BEND3: variants seen among roughly 807,000 people sequenced by gnomAD.
BEND3 encodes BEN domain-containing protein 3.
BEND3 carries 13 observed loss-of-function variants against 60.1 expected under a neutral mutation model. The observed-to-expected ratio is 0.22, with a 90% CI of 0.14 to 0.34. The LOEUF (loss-of-function observed/expected upper bound fraction) is 0.34. Ranked by LOEUF, BEND3 falls within the 10% of genes least tolerant of loss-of-function variation. The pLI, the probability that BEND3 is intolerant of heterozygous loss-of-function variation, is 1.00. For missense variants in BEND3, 896 were observed against 1,138.1 expected (o/e 0.79, Z 3.06); for synonymous variants, 497 against 491.5 (o/e 1.01, Z -0.15).
intron 3 of BEND3, among the ~76,000 whole-genome samples, chr6:107,097,239 C>T (rs942625822): frequency 5.9e-5 from 9 of 151,516 alleles, no homozygotes; most frequent in Non-Finnish European, 1.3e-4. Context: ...TGGTGGCACA[C>T]GCTTATAATC....
intron 1 of BEND3, among the ~76,000 whole-genome samples, chr6:107,105,017 G>A (rs996765502): frequency 4.6e-5 from 7 of 152,042 alleles, no homozygotes; most frequent in South Asian, 2.1e-4. Context: ...CAGATGTGGC[G>A]GGGCTGACTG....
chr6:107,102,488 G>A (rs1467897011), intron 1 of BEND3, among the ~76,000 whole-genome samples: 2 of 152,180 alleles, frequency 1.3e-5, no homozygotes, highest in Non-Finnish European at 2.9e-5. Flanking sequence ...ACCCCAGAGG[G>A]CTCATGCAGC....
At chr6:107,099,358 TA>T in intron 1 of BEND3, 62 bp from the exon 2 acceptor site, 1 of 1,475,788 alleles carries the variant, frequency 6.8e-7, no homozygotes, top group South Asian at 1.2e-5. Context: ...TAATTTTCTC[TA>T]CCCACAGAAA....
intron 3 of BEND3, among the ~76,000 whole-genome samples, chr6:107,097,349 A>C (rs1554236091): frequency 6.6e-6 from 1 of 152,072 alleles, no homozygotes; most frequent in Non-Finnish European, 1.5e-5. Flanking sequence ...CCTGGGCAAC[A>C]AGAGTGAAAC....
chr6:107,079,512 C>G (rs1775179208), intron 3 of BEND3, among the ~76,000 whole-genome samples: 1 of 152,208 alleles, frequency 6.6e-6, no homozygotes, highest in Non-Finnish European at 1.5e-5. Flanking sequence ...GAGCTGTAAA[C>G]ATCCACCCCT....
At chr6:107,085,160 A>C (rs1554234028) in intron 3 of BEND3, among the ~76,000 whole-genome samples, 1 of 152,128 alleles carries the variant, frequency 6.6e-6, no homozygotes, top group Non-Finnish European at 1.5e-5. Context: ...CTGCGGCTTC[A>C]CTCCTGAAGT....
chr6:107,075,520 T>C (rs1161322391), intron 3 of BEND3, among the ~76,000 whole-genome samples: 1 of 152,230 alleles, frequency 6.6e-6, no homozygotes, highest in Non-Finnish European at 1.5e-5. Context: ...TTATTCACCA[T>C]TTAGTTCTAT....
intron 3 of BEND3, among the ~76,000 whole-genome samples, chr6:107,071,875 C>T (rs1262148517): frequency 6.6e-6 from 1 of 152,250 alleles, no homozygotes; most frequent in South Asian, 2.1e-4. Flanking sequence ...AGGGAGAATT[C>T]GATGGGACAC....
rs921587923 is a variant in BEND3, at chr6:107,099,668, G to A, written c.-11-372C>T. 3.9e-5 allele frequency among the ~76,000 whole-genome samples: 6 copies of A among 152,150 alleles called. No homozygotes were observed. In the East Asian group the frequency reaches 1.2e-3, roughly 29 times the overall value. On this transcript the variant is annotated intron_variant, in intron 1 of 3. Transcript: ENST00000369042. ...ATTCCAGCCACAAAACAAATAGGCT[G>A]AAGGATGGGGGCCATGGATCCTGAA... is the stretch of plus-strand genomic sequence containing the variant.
intron 1 of BEND3, among the ~76,000 whole-genome samples, chr6:107,109,602 G>A (rs782402693): frequency 6.6e-6 from 1 of 151,646 alleles, no homozygotes; most frequent in Non-Finnish European, 1.5e-5. Context: ...TTGCCGGCAC[G>A]GTCGCTCACG....
chr6:107,100,368 A>T (rs2115029248), intron 1 of BEND3, among the ~76,000 whole-genome samples: 1 of 152,168 alleles, frequency 6.6e-6, no homozygotes, highest in South Asian at 2.1e-4. Context: ...TCTGCCTCCA[A>T]GTGATTCTCC....
At chr6:107,114,792 G>T (rs1383034742) in intron 1 of BEND3, among the ~76,000 whole-genome samples, 54 of 147,192 alleles carry the variant, frequency 3.7e-4, no homozygotes, top group African/African-American at 1.3e-3. Flanking sequence ...CCCCCGCGCG[G>T]CGCGCGTGCT....
intron 1 of BEND3, among the ~76,000 whole-genome samples, chr6:107,104,462 G>T (rs1196092841): frequency 6.6e-6 from 1 of 151,936 alleles, no homozygotes; most frequent in Non-Finnish European, 1.5e-5. Flanking sequence ...ATCCTCAGGG[G>T]GTTGGTTCCA....
At chr6:107,085,464 T>C (rs1467250195) in intron 3 of BEND3, among the ~76,000 whole-genome samples, 2 of 152,172 alleles carry the variant, frequency 1.3e-5, no homozygotes, top group African/African-American at 4.8e-5. Flanking sequence ...TCTTTTCTTT[T>C]GTTTTTTCTT....
At chr6:107,103,180 G>A (rs1338601236) in intron 1 of BEND3, among the ~76,000 whole-genome samples, 1 of 152,200 alleles carries the variant, frequency 6.6e-6, no homozygotes, top group Non-Finnish European at 1.5e-5. Flanking sequence ...AGAGAGATGT[G>A]TAGGCCACTC....
At position 107,105,154 on chromosome 6, in the gene BEND3, C is replaced by CGAGGTCAA. The variant is rs530793831; in HGVS notation, c.-11-5866_-11-5859dup. On this transcript the variant is annotated intron_variant, in intron 1 of 3. Transcript: ENST00000369042. Reference sequence around the variant, plus strand: ...TTGGGAGGCCAAGCCAGGTGGATCACGAGGTCAAGAGATGGAGCCCATCCT... The same window carrying CGAGGTCAA: ...TTGGGAGGCCAAGCCAGGTGGATCACGAGGTCAAGAGGTCAAGAGATGGAGCCCATCCT... Among the ~76,000 whole-genome samples the CGAGGTCAA allele has an allele frequency of 4.7e-4, 72 of 152,098 alleles. No individual in the cohort carries two copies. The East Asian group carries it at 0.014, about 29-fold the overall frequency.
intron 1 of BEND3, among the ~76,000 whole-genome samples, chr6:107,104,553 C>G (rs1401838525): frequency 6.6e-6 from 1 of 152,108 alleles, no homozygotes; most frequent in African/African-American, 2.4e-5. Flanking sequence ...AACCTGTGTA[C>G]ATCCTCCTGT....
At chr6:107,103,751 C>G (rs1651180954) in intron 1 of BEND3, among the ~76,000 whole-genome samples, 1 of 152,056 alleles carries the variant, frequency 6.6e-6, no homozygotes, top group Non-Finnish European at 1.5e-5. Flanking sequence ...GAGTTGGAGA[C>G]CAGCCTGACC....
In BEND3 at chr6:107,066,573, A is replaced by T. The variant is rs1379705701; in HGVS notation, c.*2131T>A. The T allele has an allele frequency of 2.6e-5, 4 of 152,650 alleles. No individual in the cohort carries two copies. The highest frequency in any genetic ancestry group is 9.6e-5 in the African/African-American group (4 of 41,458). 9.5% of individuals were successfully genotyped at this position (152,650 alleles called of 1,614,324 possible). A position where few individuals can be genotyped will look rare whatever the true frequency, so the allele number is the denominator to read the frequency against. On this transcript the variant is annotated 3_prime_UTR_variant, in exon 4 of 4. Coordinates refer to ENST00000369042, the MANE Select transcript of BEND3 (RefSeq NM_001367314.1). ...GGAGTTTCAAAAAAATTATTAATAA[A>T]TGATTGTGCTTCTAAAGTTGCAGGG...
Sources: gnomAD v4.1 joint callset for allele counts (sites outside exome capture counted in the v4.1 genomes callset) on GRCh38, gnomAD v4.1.1 for gene constraint, MANE v1.5 for transcripts, NCBI Gene and HGNC (gene_info 2026-07-23, HGNC 2026-07-21) for gene names.